IGSF9B: variants seen among roughly 807,000 people sequenced by gnomAD.
IGSF9B encodes protein turtle homolog B.
IGSF9B carries 48 observed loss-of-function variants against 143.7 expected under a neutral mutation model. The observed-to-expected ratio is 0.33, with a 90% confidence interval of 0.26 to 0.42. The LOEUF (loss-of-function observed/expected upper bound fraction) is 0.42, where lower values mean the gene tolerates loss of function less well. Ranked by LOEUF, IGSF9B falls within the 20% of genes least tolerant of loss-of-function variation. The pLI, the probability that IGSF9B is intolerant of heterozygous loss-of-function variation, is 1.00. For missense variants in IGSF9B, 1,706 were observed against 1,980.0 expected, an observed-to-expected ratio of 0.86 and a Z score of 2.63; for synonymous variants, 903 against 833.1, an observed-to-expected ratio of 1.08 and a Z score of -1.44.
chr11:133,931,403 CCTGGGCCCTCACACCTCCCT>C lies in IGSF9B; in HGVS notation c.1368+30_1368+49del, dbSNP rs766583555. ...AAACCTCCCCGCAGCCCCAGGGCTC[CCTGGGCCCTCACACCTCCCT>C]GCAGACCCAGGGCTCCAGGGCCCAG... is the stretch of plus-strand genomic sequence containing the variant. On this transcript the variant is annotated intron_variant, in intron 10 of 19. Transcript: ENST00000533871. This position sits in a 1 kb window ranked among gnomAD's most constrained non-coding sequence, Gnocchi z 7.7. 1.4e-3 allele frequency: 1,915 copies of C among 1,368,462 alleles called. 1 individual carries two copies. Among genetic ancestry groups the C allele is most frequent in the Admixed American group, 1.9e-3 (103 of 54,992 alleles). 84.8% of individuals were successfully genotyped at this position (1,368,462 alleles called of 1,614,324 possible).
In IGSF9B at chr11:133,897,424, A is replaced by G. The variant is rs1591702209; in HGVS notation, c.*11645T>C. On this transcript the variant is annotated 3_prime_UTR_variant, in exon 20 of 20. Coordinates refer to ENST00000533871, the MANE Select transcript of IGSF9B (RefSeq NM_001277285.4). ...TATATGCAGGTGCGCGCACACACAC[A>G]CATCTGGTTTCCTTGCAGTCTGCTC... 6.6e-6 allele frequency: 1 copy of G among 152,208 alleles called. No homozygotes were observed. Among genetic ancestry groups the G allele is most frequent in the South Asian group, 2.1e-4 (1 of 4,836 alleles). The allele number at this position is 152,208 out of a possible 1,614,324, so 9.4% of individuals were successfully genotyped here.
intron 11 of IGSF9B, 50 bp downstream of exon 11, chr11:133,930,930 CCCAG>C: frequency 6.6e-7 from 1 of 1,522,622 alleles, no homozygotes; most frequent in Non-Finnish European, 8.9e-7. Flanking sequence ...GCACCCCGCC[CCCAG>C]CCAGCCTGCT....
At chr11:133,950,562 A>G (rs1940138437) in intron 1 of IGSF9B, among the ~76,000 whole-genome samples, 1 of 152,216 alleles carries the variant, frequency 6.6e-6, no homozygotes, top group Non-Finnish European at 1.5e-5. Context: ...GGCCCAACCC[A>G]GGCGCCGGGA....
In IGSF9B at chr11:133,937,508, C is replaced by G. The variant is rs772130377; in HGVS notation, c.562-15G>C. On this transcript the variant is annotated splice_polypyrimidine_tract_variant and intron_variant, in intron 4 of 19. Transcript: ENST00000533871. The stretch of plus-strand genomic sequence containing the variant: ...CCGTCACTCACCTGGGAGCCCAAAA[C>G]AGAGGGAGCTCAGCACCCACGCTCA... 6 of 1,603,092 alleles carry G rather than the reference C, an allele frequency of 3.7e-6. No individual in the cohort carries two copies. The highest frequency in any genetic ancestry group is 5.1e-6 in the Non-Finnish European group (6 of 1,170,930).
chr11:133,937,736 C>T (rs921607735), intron 4 of IGSF9B, 74 bp downstream of exon 4: 45 of 1,500,546 alleles, frequency 3.0e-5, no homozygotes, highest in Middle Eastern at 1.7e-4. Flanking sequence ...CATCAGGGGT[C>T]GGCTGCAGTA....
intron 7 of IGSF9B, among the ~76,000 whole-genome samples, chr11:133,933,141 G>A (rs567514720): frequency 1.3e-4 from 20 of 152,224 alleles, no homozygotes; most frequent in African/African-American, 3.4e-4. Context: ...ATGCACGTCC[G>A]AGCCTGCTCC....
At position 133,956,819 on chromosome 11, in the gene IGSF9B, C is replaced by T; in HGVS notation, c.-65G>A. On this transcript the variant is annotated 5_prime_UTR_variant, in exon 1 of 20. Coordinates refer to ENST00000533871, the MANE Select transcript of IGSF9B (RefSeq NM_001277285.4). ...AGTGCTCCCGCGCCCGCACGCGCCT[C>T]GCGCCCGAGCGCCCGCCTCGCGCCC... The T allele has an allele frequency of 9.6e-7, 1 of 1,036,298 alleles. No homozygotes were observed. The highest frequency in any genetic ancestry group is 3.1e-5 in the South Asian group (1 of 32,472). 64.2% of individuals were successfully genotyped at this position (1,036,298 alleles called of 1,614,324 possible). A position where few individuals can be genotyped will look rare whatever the true frequency, so the allele number is the denominator to read the frequency against.
intron 1 of IGSF9B, among the ~76,000 whole-genome samples, chr11:133,949,830 C>A (rs903452752): frequency 6.6e-6 from 1 of 152,162 alleles, no homozygotes; most frequent in African/African-American, 2.4e-5. Context: ...CAGGCTCCCC[C>A]CTCAAAGGGG....
rs1939711511 is a variant in IGSF9B at position 133,930,866 on chromosome 11, T to G, written c.1519+118A>C. ...CGCGGAGTTCAGGGCTGCACTGACT[T>G]AGGAAGGGAGCCCGCAGAGTGCAGC... On this transcript the variant is annotated intron_variant, in intron 11 of 19. Transcript: ENST00000533871. The G allele has an allele frequency of 2.8e-6, 3 of 1,081,700 alleles. No homozygotes were observed. In the Admixed American group the frequency reaches 8.4e-5, roughly 30 times the overall value. The allele number at this position is 1,081,700 out of a possible 1,614,324, so 67.0% of individuals were successfully genotyped here.
chr11:133,909,358 G>A lies in IGSF9B; in HGVS notation c.4106-81C>T. The A allele has an allele frequency of 8.9e-7, 1 of 1,119,950 alleles. No homozygotes were observed. Among genetic ancestry groups the A allele is most frequent in the East Asian group, 2.6e-5 (1 of 38,764 alleles). 69.4% of individuals were successfully genotyped at this position (1,119,950 alleles called of 1,614,324 possible). A position where few individuals can be genotyped will look rare whatever the true frequency, so the allele number is the denominator to read the frequency against. On this transcript the variant is annotated intron_variant, in intron 19 of 19. Coordinates refer to ENST00000533871, the MANE Select transcript of IGSF9B (RefSeq NM_001277285.4). This position sits in a 1 kb window ranked among gnomAD's most constrained non-coding sequence, Gnocchi z 4.2. ...CGCAGCCTGCTCACCTTTTCCACCT[G>A]CATTTGTTCCGGGTTTCTAATGTTG... is the stretch of plus-strand genomic sequence containing the variant.
In IGSF9B at chr11:133,901,417, C is replaced by CT. The variant is rs1210117375; in HGVS notation, c.*7651dup. 8 of 152,082 alleles carry CT rather than the reference C, an allele frequency of 5.3e-5. No individual in the cohort carries two copies. Among genetic ancestry groups the CT allele is most frequent in the Non-Finnish European group, 1.2e-4 (8 of 68,020 alleles). The allele number at this position is 152,082 out of a possible 1,614,324, so 9.4% of individuals were successfully genotyped here. The stretch of plus-strand genomic sequence containing the variant: ...TCATATAGATATAGAGATATATAGA[C>CT]TTTATCTAGGTGTTCTTTATATTTA... On this transcript the variant is annotated 3_prime_UTR_variant, in exon 20 of 20. Coordinates refer to ENST00000533871, the MANE Select transcript of IGSF9B (RefSeq NM_001277285.4).
At chr11:133,923,117 A>G (rs1339225958) in intron 15 of IGSF9B, among the ~76,000 whole-genome samples, 2 of 152,246 alleles carry the variant, frequency 1.3e-5, no homozygotes, top group East Asian at 1.9e-4. Context: ...TCTCTAAATG[A>G]AAGAGCTCTG....
rs1446231751 is a variant in IGSF9B, at chr11:133,929,725, T to C, written c.1577A>G (p.Asn526Ser). ...VRVQVSMTTA[N>S]VSWEPGYDGG... ...ATCATAGCCTGGTTCCCAGGACACG[T>C]TGGCAGTTGTCATGGAGACCTGGAC... is the stretch of plus-strand genomic sequence containing the variant. The change falls in exon 12 of 20, where the codon AAC becomes AGC. Residue 526 changes from asparagine to serine, a missense_variant. Physicochemically the swap from Asn to Ser is conservative, Grantham distance 46. This residue lies in a region of IGSF9B where 267 missense variants were observed against 321.1 expected (regional missense o/e 0.83). Coordinates refer to ENST00000533871, the MANE Select transcript of IGSF9B (RefSeq NM_001277285.4). The C allele has an allele frequency of 8.7e-6, 14 of 1,613,840 alleles. No individual in the cohort carries two copies. The highest frequency in any genetic ancestry group is 3.3e-5 in the Admixed American group (2 of 59,998).
chr11:133,932,428 CAGAT>C lies in IGSF9B; in HGVS notation c.968-219_968-216del, dbSNP rs1392204259. Among the ~76,000 whole-genome samples the C allele has an allele frequency of 7.5e-5, 11 of 145,820 alleles. No homozygotes were observed. In the South Asian group the frequency reaches 1.1e-3, roughly 15 times the overall value. ...CCAGGTGGGAGAGCAGACAGACAGA[CAGAT>C]ACAGGGACAGACAGACAGACACAGG... On this transcript the variant is annotated intron_variant, in intron 7 of 19. Coordinates refer to ENST00000533871, the MANE Select transcript of IGSF9B (RefSeq NM_001277285.4).
In IGSF9B at chr11:133,920,376, G is replaced by A. The variant is rs761970963; in HGVS notation, c.3349C>T (p.Pro1117Ser). ...GGTCTGTCCTGCCACTTGGCGGCGG[G>A]GGGCGCTGGGACAGGGCCCCTGCCG... ...SPGRGPVPAP[P>S]AAKWQDRPMQ... The change falls in exon 18 of 20, where the codon CCC becomes TCC. Residue 1117 changes from proline (P) to serine (S), a missense_variant. Around this residue, in one of 7 missense-constraint regions of IGSF9B, gnomAD observed 880 missense variants for 762.9 expected, o/e 1.15. Transcript: ENST00000533871. 4.4e-5 allele frequency: 70 copies of A among 1,604,020 alleles called. 1 individual carries two copies. Among genetic ancestry groups the A allele is most frequent in the Admixed American group, 1.0e-4 (6 of 58,112 alleles).
intron 1 of IGSF9B, chr11:133,952,090 C>A (rs191745340): frequency 2.9e-5 from 13 of 454,690 alleles, no homozygotes; most frequent in Middle Eastern, 3.3e-4. Flanking sequence ...CTCCTCCCAG[C>A]TCTGGCGCAC....
At chr11:133,949,260 A>G (rs1940116360) in intron 1 of IGSF9B, among the ~76,000 whole-genome samples, 1 of 152,106 alleles carries the variant, frequency 6.6e-6, no homozygotes, top group Admixed American at 6.5e-5. Flanking sequence ...CCTCGCTCCA[A>G]GCCCTCTTGC....
intron 11 of IGSF9B, among the ~76,000 whole-genome samples, chr11:133,930,031 C>G (rs1271823247): frequency 6.6e-6 from 1 of 152,178 alleles, no homozygotes; most frequent in Non-Finnish European, 1.5e-5. Flanking sequence ...CACATAGCAT[C>G]AGGAATGGGT....
At position 133,899,889 on chromosome 11, in the gene IGSF9B, A is replaced by G. The variant is rs1335581679; in HGVS notation, c.*9180T>C. Reference sequence around the variant, plus strand: ...GAAACACTCAGCTGCAGGAGCCTGCAAGAAAGATCATTCAAGGCAAGGATG... The same window carrying G: ...GAAACACTCAGCTGCAGGAGCCTGCGAGAAAGATCATTCAAGGCAAGGATG... On this transcript the variant is annotated 3_prime_UTR_variant, in exon 20 of 20. Coordinates refer to ENST00000533871, the MANE Select transcript of IGSF9B (RefSeq NM_001277285.4). 2 of 152,204 alleles carry G rather than the reference A, an allele frequency of 1.3e-5. No homozygotes were observed. The highest frequency in any genetic ancestry group is 2.9e-5 in the Non-Finnish European group (2 of 68,044). The allele number at this position is 152,204 out of a possible 1,614,324, so 9.4% of individuals were successfully genotyped here.
Sources: allele counts gnomAD v4.1 joint callset (sites outside exome capture counted in the v4.1 genomes callset), GRCh38; gene constraint gnomAD v4.1.1; regional missense constraint gnomAD v4.1.1; non-coding constraint Gnocchi (gnomAD v3.1); transcripts MANE v1.5; gene names NCBI Gene and HGNC (gene_info 2026-07-23, HGNC 2026-07-21).